The following ST6GAL1 variants were observed in gnomAD, a reference collection of about 807,000 sequenced individuals.
ST6GAL1 encodes the protein beta-galactoside alpha-2,6-sialyltransferase 1.
Under a neutral mutation model 38.0 loss-of-function variants are expected in ST6GAL1, and 20 were observed. That is an observed-to-expected ratio of 0.53 (90% CI 0.37 to 0.77). The LOEUF is 0.77. ST6GAL1 is among the 30% of genes least tolerant of loss of function. The pLI is 0.00. For missense variants in ST6GAL1, 432 were observed against 496.4 expected, an observed-to-expected ratio of 0.87 and a Z score of 1.23; for synonymous variants, 196 against 188.2, an observed-to-expected ratio of 1.04 and a Z score of -0.34.
chr3:187,000,302 C>T (rs759842462), intron 2 of ST6GAL1, among the ~76,000 whole-genome samples: 1 of 151,668 alleles, frequency 6.6e-6, no homozygotes, highest in Non-Finnish European at 1.5e-5. Flanking sequence ...GTAATCTCAG[C>T]ACTTTGGGAG....
intron 1 of ST6GAL1, among the ~76,000 whole-genome samples, chr3:186,946,335 T>A (rs1389779995): frequency 6.6e-6 from 1 of 152,064 alleles, no homozygotes; most frequent in Non-Finnish European, 1.5e-5. Flanking sequence ...CTTTTCCTTA[T>A]AAAATAAAAT....
chr3:187,065,819 A>T (rs995179265), intron 5 of ST6GAL1, among the ~76,000 whole-genome samples: 1 of 152,344 alleles, frequency 6.6e-6, no homozygotes, highest in African/African-American at 2.4e-5. Flanking sequence ...TATTATATAT[A>T]CCATCTAAGG....
chr3:186,977,531 GC>G (rs1486890177), intron 2 of ST6GAL1, among the ~76,000 whole-genome samples: 3 of 152,142 alleles, frequency 2.0e-5, no homozygotes. Context: ...GAGCTACAAG[GC>G]CCACAGCTCT....
chr3:187,032,784 C>T (rs763975838), intron 2 of ST6GAL1, among the ~76,000 whole-genome samples: 16 of 152,154 alleles, frequency 1.1e-4, no homozygotes, highest in Non-Finnish European at 2.4e-4. Context: ...AGGAGAGCCC[C>T]AAATGTTTTG....
intron 5 of ST6GAL1, among the ~76,000 whole-genome samples, chr3:187,071,791 A>C (rs1378383341): frequency 1.3e-4 from 19 of 149,668 alleles, no homozygotes; most frequent in East Asian, 7.9e-4. Flanking sequence ...AAAAAAAAAA[A>C]AAAAGAAAAA....
intron 2 of ST6GAL1, among the ~76,000 whole-genome samples, chr3:186,970,375 C>T (rs558547227): frequency 1.1e-3 from 158 of 150,244 alleles, no homozygotes; most frequent in Middle Eastern, 6.8e-3. Context: ...CCACCACGCC[C>T]GGCAAATTTT....
chr3:187,007,790 TAGAA>T (rs555564918), intron 2 of ST6GAL1, among the ~76,000 whole-genome samples: 6 of 152,196 alleles, frequency 3.9e-5, no homozygotes, highest in African/African-American at 7.2e-5. Flanking sequence ...CTCTTGAAAT[TAGAA>T]AGTTCTTGAA....
At chr3:187,025,925 G>T (rs1042373462) in intron 2 of ST6GAL1, among the ~76,000 whole-genome samples, 5 of 152,178 alleles carry the variant, frequency 3.3e-5, no homozygotes, top group Admixed American at 6.5e-5. Flanking sequence ...GTGCTGCCTG[G>T]CTGGGAAAAG....
chr3:186,995,062 C>T (rs182413105), intron 2 of ST6GAL1, among the ~76,000 whole-genome samples: 2 of 152,034 alleles, frequency 1.3e-5, no homozygotes, highest in African/African-American at 2.4e-5. Flanking sequence ...ATTCAATTTT[C>T]CTCAATTATT....
intron 2 of ST6GAL1, among the ~76,000 whole-genome samples, chr3:186,988,824 G>A (rs536663683): frequency 6.6e-6 from 1 of 152,294 alleles, no homozygotes; most frequent in South Asian, 2.1e-4. Context: ...TAAGGTGGAA[G>A]GATGGCTTGA....
At chr3:186,992,345 C>G (rs1716200637) in intron 2 of ST6GAL1, among the ~76,000 whole-genome samples, 1 of 152,112 alleles carries the variant, frequency 6.6e-6, no homozygotes, top group Non-Finnish European at 1.5e-5. Context: ...TGCCTTGCAC[C>G]ATGATTGTAA....
intron 2 of ST6GAL1, among the ~76,000 whole-genome samples, chr3:186,967,422 C>G (rs1434604038): frequency 2.0e-5 from 3 of 152,222 alleles, no homozygotes; most frequent in Non-Finnish European, 2.9e-5. Flanking sequence ...GAGCTCCTGA[C>G]CTCAGGTGAT....
At chr3:186,936,063 A>G (rs1217075888) in intron 1 of ST6GAL1, among the ~76,000 whole-genome samples, 1 of 152,160 alleles carries the variant, frequency 6.6e-6, no homozygotes, top group East Asian at 1.9e-4. Context: ...GTCCGAGGGA[A>G]GTCCAGCCTA....
intron 5 of ST6GAL1, among the ~76,000 whole-genome samples, chr3:187,061,299 G>A (rs1050555754): frequency 1.4e-4 from 21 of 152,092 alleles, no homozygotes; most frequent in African/African-American, 3.9e-4. Flanking sequence ...CAATAATACC[G>A]AATATGATAT....
intron 5 of ST6GAL1, among the ~76,000 whole-genome samples, chr3:187,059,357 C>T (rs1718830883): frequency 6.6e-6 from 1 of 152,188 alleles, no homozygotes; most frequent in South Asian, 2.1e-4. Flanking sequence ...TTAGGACCAG[C>T]TTTGTCCCTT....
chr3:186,991,832 C>T (rs1198871848), intron 2 of ST6GAL1, among the ~76,000 whole-genome samples: 1 of 152,160 alleles, frequency 6.6e-6, no homozygotes, highest in African/African-American at 2.4e-5. Flanking sequence ...AGCCACAGAG[C>T]TTGACTCTGC....
At chr3:187,004,427 A>G (rs1178336183) in intron 2 of ST6GAL1, among the ~76,000 whole-genome samples, 1 of 152,216 alleles carries the variant, frequency 6.6e-6, no homozygotes, top group Non-Finnish European at 1.5e-5. Context: ...TTCTGATACC[A>G]AAGTTTTTCT....
intron 4 of ST6GAL1, 82 bp from the exon 5 acceptor site, chr3:187,051,167 C>A: frequency 8.3e-7 from 1 of 1,207,634 alleles, no homozygotes; most frequent in South Asian, 1.2e-5. Flanking sequence ...TTCCCTTGCC[C>A]CCTCCCCCGC....
Position 187,075,807 on chromosome 3 carries a change from C to T in ST6GAL1, c.*4C>T. The T allele has an allele frequency of 6.2e-7, 1 of 1,613,986 alleles. No homozygotes were observed. The stretch of plus-strand genomic sequence containing the variant: ...CTTCCGGACCATTCACTGCTAAGCA[C>T]AGGCTCCTCACTCTTCTCCATCAGG... On this transcript the variant is annotated 3_prime_UTR_variant, in exon 8 of 8. Coordinates refer to ENST00000169298, the MANE Select transcript of ST6GAL1 (RefSeq NM_173216.2). The surrounding 1 kb of genome is among the most constrained non-coding windows in gnomAD (Gnocchi z 4.1).
Sources: allele counts gnomAD v4.1 joint callset (sites outside exome capture counted in the v4.1 genomes callset), GRCh38; gene constraint gnomAD v4.1.1; non-coding constraint Gnocchi (gnomAD v3.1); transcripts MANE v1.5; gene names NCBI Gene and HGNC (gene_info 2026-07-23, HGNC 2026-07-21).